TOX2: variants seen among roughly 807,000 people sequenced by gnomAD.
TOX2 encodes TOX high mobility group box family member 2, also known as granulosa cell HMG box 1.
A neutral mutation model predicts 47.4 loss-of-function variants in TOX2; 15 were observed. The observed-to-expected ratio is 0.32, with a 90% confidence interval of 0.21 to 0.49. The LOEUF is 0.49. Among genes scored for constraint, TOX2 ranks in the 20% least tolerant of loss-of-function variants. TOX2 has a pLI of 0.99. For synonymous variants in TOX2, 290 were observed against 296.6 expected (o/e 0.98, Z 0.23); for missense variants, 622 against 673.1 (o/e 0.92, Z 0.84).
chr20:44,010,183 G>A (rs969981300), intron 3 of TOX2, among the ~76,000 whole-genome samples: 6 of 152,280 alleles, frequency 3.9e-5, no homozygotes, highest in Admixed American at 2.0e-4. Context: ...GACTGCAGAC[G>A]CCCTCAGGTA....
At chr20:43,975,523 C>T (rs1452536080) in intron 2 of TOX2, among the ~76,000 whole-genome samples, 1 of 152,154 alleles carries the variant, frequency 6.6e-6, no homozygotes, top group South Asian at 2.1e-4. Context: ...AGCACTAGAG[C>T]TGGCATTCAA....
chr20:43,955,163 C>T, intron 1 of TOX2: 2 of 831,566 alleles, frequency 2.4e-6, no homozygotes, highest in South Asian at 5.5e-5. Context: ...GCCTGAGGCT[C>T]CACTGAAGCT....
At chr20:43,946,141 C>G (rs2069467248) in intron 1 of TOX2, 22 of 1,497,432 alleles carry the variant, frequency 1.5e-5, no homozygotes, top group Non-Finnish European at 1.9e-5. Context: ...GGGACCTGGA[C>G]TGGTGCTTGT....
intron 3 of TOX2, among the ~76,000 whole-genome samples, chr20:44,009,025 T>C (rs6103560): frequency 0.76 from 115,623 of 152,050 alleles, 44,990 homozygotes; most frequent in African/African-American, 0.93. Context: ...GAGTCACACA[T>C]ACACCTGTGG....
At chr20:43,956,842 T>A (rs2069677291) in intron 1 of TOX2, among the ~76,000 whole-genome samples, 1 of 152,174 alleles carries the variant, frequency 6.6e-6, no homozygotes, top group Non-Finnish European at 1.5e-5. Flanking sequence ...GTCCCTTTTT[T>A]CCCTTCCATA....
chr20:44,063,825 A>G (rs1404935619), intron 5 of TOX2, among the ~76,000 whole-genome samples: 4 of 152,086 alleles, frequency 2.6e-5, no homozygotes, highest in African/African-American at 9.7e-5. Context: ...AATACTACTC[A>G]GCCATAAAAA....
intron 3 of TOX2, among the ~76,000 whole-genome samples, chr20:44,031,863 G>C (rs2071158442): frequency 6.6e-6 from 1 of 152,160 alleles, no homozygotes; most frequent in Non-Finnish European, 1.5e-5. Context: ...CCCCTGCTAG[G>C]TGTCGCGGTC....
At chr20:44,036,637 C>G (rs1453094899) in intron 3 of TOX2, among the ~76,000 whole-genome samples, 1 of 152,266 alleles carries the variant, frequency 6.6e-6, no homozygotes, top group Non-Finnish European at 1.5e-5. Flanking sequence ...GCCAAAGGCC[C>G]TCTGCCCATT....
intron 3 of TOX2, among the ~76,000 whole-genome samples, chr20:44,034,093 C>T (rs74599780): frequency 0.02 from 3,002 of 152,294 alleles, 122 homozygotes; most frequent in African/African-American, 0.069. Context: ...GCCACCCTAC[C>T]CATCACTCCA....
chr20:44,057,671 T>TTAATTTTGAATG (rs1226590286), intron 5 of TOX2, among the ~76,000 whole-genome samples: 2 of 151,510 alleles, frequency 1.3e-5, no homozygotes, highest in Non-Finnish European at 1.5e-5. Context: ...ACTGCATCAT[T>TTAATTTTGAATG]TAATTTTGAA....
rs1568992143 is a variant in TOX2, at chr20:43,915,006, C to T, written c.99+16C>T. 2 of 1,226,902 alleles carry T rather than the reference C, an allele frequency of 1.6e-6. No homozygotes were observed. Among genetic ancestry groups the T allele is most frequent in the Non-Finnish European group, 2.0e-6 (2 of 982,476 alleles). 76.0% of individuals were successfully genotyped at this position (1,226,902 alleles called of 1,614,324 possible). ...CGGCGGCAAGGTAGGCGGGGGCGGG[C>T]GGGGGTCCCCGGCGGGCGGGGCCGG... On this transcript the variant is annotated intron_variant, in intron 1 of 8. Coordinates refer to ENST00000341197, the MANE Select transcript of TOX2 (RefSeq NM_001098797.2). The surrounding 1 kb of genome is among the most constrained non-coding windows in gnomAD (Gnocchi z 7.1).
Position 43,977,085 on chromosome 20 carries a change from G to A in TOX2, c.165+3653G>A, listed in dbSNP as rs577864304. On this transcript the variant is annotated intron_variant, in intron 2 of 8. Transcript: ENST00000341197. The stretch of plus-strand genomic sequence containing the variant: ...GGGAAGCCATTTCTGGAAAACATTT[G>A]CTTCCAGAACATCCAATCAATATAT... Among the ~76,000 whole-genome samples, 5 of 152,310 alleles carry A rather than the reference G, an allele frequency of 3.3e-5. No individual in the cohort carries two copies. The East Asian group carries it at 9.6e-4, about 29-fold the overall frequency.
chr20:43,988,226 A>G (rs1391120897), intron 2 of TOX2, among the ~76,000 whole-genome samples: 4 of 152,030 alleles, frequency 2.6e-5, no homozygotes, highest in African/African-American at 7.2e-5. Context: ...CCGAAACATC[A>G]ACACTTAAAG....
At chr20:44,059,256 C>T (rs1355520009) in intron 5 of TOX2, among the ~76,000 whole-genome samples, 1 of 152,122 alleles carries the variant, frequency 6.6e-6, no homozygotes, top group East Asian at 1.9e-4. Context: ...CTGAATTGAA[C>T]AAGTAGAAGA....
chr20:43,968,988 T>C (rs1378671774), intron 1 of TOX2, among the ~76,000 whole-genome samples: 1 of 152,268 alleles, frequency 6.6e-6, no homozygotes, highest in Non-Finnish European at 1.5e-5. Flanking sequence ...TGTATGTCTC[T>C]GTATGCACAT....
intron 2 of TOX2, among the ~76,000 whole-genome samples, chr20:43,989,705 G>A (rs1049820403): frequency 6.6e-6 from 1 of 151,820 alleles, no homozygotes; most frequent in Non-Finnish European, 1.5e-5. Context: ...ACTTGAATCC[G>A]GGAGGTGGAG....
intron 1 of TOX2, chr20:43,946,085 C>A: frequency 6.2e-7 from 1 of 1,606,602 alleles, no homozygotes; most frequent in Admixed American, 1.7e-5. Flanking sequence ...GTGGTCAGGC[C>A]GTCACTGTGG....
At chr20:44,029,789 A>G (rs2071121679) in intron 3 of TOX2, among the ~76,000 whole-genome samples, 1 of 152,096 alleles carries the variant, frequency 6.6e-6, no homozygotes, top group Non-Finnish European at 1.5e-5. Context: ...AAAGGGGGTC[A>G]TTGACTCTGG....
intron 2 of TOX2, among the ~76,000 whole-genome samples, chr20:43,998,739 CT>C (rs1031028926): frequency 6.8e-6 from 1 of 147,760 alleles, no homozygotes; most frequent in African/African-American, 2.4e-5. Flanking sequence ...ATCTATCTAT[CT>C]ATCTATCTAT....
Sources: gnomAD v4.1 joint callset for allele counts (sites outside exome capture counted in the v4.1 genomes callset) on GRCh38, gnomAD v4.1.1 for gene constraint, Gnocchi (gnomAD v3.1) non-coding constraint, MANE v1.5 for transcripts, NCBI Gene and HGNC (gene_info 2026-07-23, HGNC 2026-07-21) for gene names.